Variants in CCSER1 observed in about 807,000 individuals in gnomAD.
The protein encoded by CCSER1 is serine-rich coiled-coil domain-containing protein 1.
In CCSER1, 41 loss-of-function variants were observed where a neutral mutation model predicts 82.0. The observed-to-expected ratio is 0.50, with a 90% confidence interval of 0.39 to 0.65. CCSER1 has a LOEUF of 0.65. Ranked by LOEUF, CCSER1 falls within the 30% of genes least tolerant of loss-of-function variation. The pLI, the probability that CCSER1 is intolerant of heterozygous loss-of-function variation, is 0.00. For synonymous variants in CCSER1, 414 were observed against 383.9 expected (o/e 1.08, Z -0.92); for missense variants, 1,119 against 1,064.2 (o/e 1.05, Z -0.72).
rs545991475 is a variant in CCSER1, at chr4:90,193,323, C to G, written c.-42+65492C>G. 1.9e-3 allele frequency among the ~76,000 whole-genome samples: 295 copies of G among 152,062 alleles called. 2 individuals carry two copies. Among genetic ancestry groups the G allele is most frequent in the African/African-American group, 6.5e-3 (268 of 41,506 alleles). ...AGTGTTCAATAAATATATAGAGTTG[C>G]TAAGAGAATGAAAAATCTATGGTCG... On this transcript the variant is annotated intron_variant, in intron 1 of 10. Coordinates refer to ENST00000509176, the MANE Select transcript of CCSER1 (RefSeq NM_001145065.2).
At chr4:90,280,855 A>G (rs1326585642) in intron 1 of CCSER1, among the ~76,000 whole-genome samples, 2 of 151,990 alleles carry the variant, frequency 1.3e-5, no homozygotes, top group South Asian at 2.1e-4. Flanking sequence ...ATAGAGTCGT[A>G]TTTCAGCTTA....
intron 10 of CCSER1, among the ~76,000 whole-genome samples, chr4:91,383,983 G>C (rs1751106296): frequency 6.6e-6 from 1 of 152,126 alleles, no homozygotes; most frequent in African/African-American, 2.4e-5. Context: ...CTGAAGGGCT[G>C]TGAGCAAACC....
At chr4:91,362,740 G>A in intron 10 of CCSER1, among the ~76,000 whole-genome samples, 1 of 151,678 alleles carries the variant, frequency 6.6e-6, no homozygotes, top group East Asian at 1.9e-4. Flanking sequence ...TTTTTTCTAA[G>A]TAGGTAAAAT....
rs200291388 is a variant in CCSER1 at position 90,180,981 on chromosome 4, TTA to T, written c.-42+53163_-42+53164del. Among the ~76,000 whole-genome samples, 13 of 151,664 alleles carry T rather than the reference TTA, an allele frequency of 8.6e-5. No homozygotes were observed. The East Asian group carries it at 2.1e-3, about 25-fold the overall frequency. On this transcript the variant is annotated intron_variant, in intron 1 of 10. Coordinates refer to ENST00000509176, the MANE Select transcript of CCSER1 (RefSeq NM_001145065.2). ...TTAGACTCTTTCTGTCTCAATTTCTTTATATATATATATAATGAGCATAACAG... is the reference window on the plus strand; with the variant it reads ...TTAGACTCTTTCTGTCTCAATTTCTTTATATATATATAATGAGCATAACAG...
chr4:91,340,655 A>G (rs150323956), intron 10 of CCSER1, among the ~76,000 whole-genome samples: 78 of 152,274 alleles, frequency 5.1e-4, no homozygotes, highest in African/African-American at 1.8e-3. Flanking sequence ...CTTTGATAAT[A>G]TATTATAGAT....
At position 91,155,955 on chromosome 4, in the gene CCSER1, T is replaced by A. The variant is rs549077039; in HGVS notation, c.2217+69961T>A. Among the ~76,000 whole-genome samples, 116 of 151,844 alleles carry A rather than the reference T, an allele frequency of 7.6e-4. 2 individuals carry two copies. The highest frequency in any genetic ancestry group is 1.4e-3 in the Non-Finnish European group (98 of 67,842). On this transcript the variant is annotated intron_variant, in intron 10 of 10. Transcript: ENST00000509176. Reference sequence around the variant, plus strand: ...TTAAGAAATACTAAGTATTTTAATATAATTTACATTATTATTATTTTAACT... The same window carrying A: ...TTAAGAAATACTAAGTATTTTAATAAAATTTACATTATTATTATTTTAACT...
chr4:91,352,346 A>G (rs1472643933), intron 10 of CCSER1, among the ~76,000 whole-genome samples: 1 of 152,174 alleles, frequency 6.6e-6, no homozygotes, highest in Non-Finnish European at 1.5e-5. Flanking sequence ...TCCTAGGTTC[A>G]AGCAATTCTC....
intron 10 of CCSER1, among the ~76,000 whole-genome samples, chr4:91,580,909 A>G (rs905943598): frequency 6.6e-6 from 1 of 151,682 alleles, no homozygotes; most frequent in African/African-American, 2.4e-5. Flanking sequence ...GAGGAAAATA[A>G]AGATCAAAGA....
At position 91,495,296 on chromosome 4, in the gene CCSER1, T is replaced by C. The variant is rs567041742; in HGVS notation, c.2218-103276T>C. Among the ~76,000 whole-genome samples, 5 of 151,610 alleles carry C rather than the reference T, an allele frequency of 3.3e-5. No homozygotes were observed. The South Asian group carries it at 8.3e-4, about 25-fold the overall frequency. On this transcript the variant is annotated intron_variant, in intron 10 of 10. Coordinates refer to ENST00000509176, the MANE Select transcript of CCSER1 (RefSeq NM_001145065.2). ...ACATGTTTTCTGTATATTGTTGAGG[T>C]ATATAAATACTTAAGTTTGACAAAC...
chr4:91,186,531 T>C (rs913877277), intron 10 of CCSER1, among the ~76,000 whole-genome samples: 1 of 152,136 alleles, frequency 6.6e-6, no homozygotes, highest in Non-Finnish European at 1.5e-5. Context: ...ACCAGCTCAG[T>C]CAGGGAGACC....
chr4:90,533,949 T>C (rs1379000400), intron 5 of CCSER1, among the ~76,000 whole-genome samples: 1 of 152,246 alleles, frequency 6.6e-6, no homozygotes, highest in Non-Finnish European at 1.5e-5. Flanking sequence ...ATATCCCATT[T>C]ACCCTTCAGA....
At chr4:90,380,970 G>A (rs1749108059) in intron 3 of CCSER1, among the ~76,000 whole-genome samples, 1 of 152,252 alleles carries the variant, frequency 6.6e-6, no homozygotes, top group Non-Finnish European at 1.5e-5. Context: ...CGATGCGGGA[G>A]CACAAAGATG....
At chr4:90,271,271 G>A (rs764579818) in intron 1 of CCSER1, among the ~76,000 whole-genome samples, 64 of 152,208 alleles carry the variant, frequency 4.2e-4, no homozygotes, top group African/African-American at 1.3e-3. Flanking sequence ...AAACTGCATG[G>A]CACTGGTGCA....
At chr4:90,957,598 T>A (rs1733640186) in intron 9 of CCSER1, among the ~76,000 whole-genome samples, 4 of 131,434 alleles carry the variant, frequency 3.0e-5, no homozygotes, top group Non-Finnish European at 1.6e-5. Flanking sequence ...ATTATTTATA[T>A]TATATATAAT....
In CCSER1 at chr4:90,796,406, T is replaced by C. The variant is rs183653244; in HGVS notation, c.2011-19356T>C. ...ATTAGTGTAGCTAGTGGTATATCTATTGTACTAAATTTAAAAAAAAAAAAA... is the reference window on the plus strand; with the variant it reads ...ATTAGTGTAGCTAGTGGTATATCTACTGTACTAAATTTAAAAAAAAAAAAA... On this transcript the variant is annotated intron_variant, in intron 7 of 10. Transcript: ENST00000509176. Among the ~76,000 whole-genome samples the C allele has an allele frequency of 3.5e-4, 42 of 119,440 alleles. No homozygotes were observed. The East Asian group carries it at 8.7e-3, about 25-fold the overall frequency. 78.4% of individuals were successfully genotyped at this position (119,440 alleles called of 152,430 possible).
chr4:91,044,058 T>C (rs1742225165), intron 9 of CCSER1, among the ~76,000 whole-genome samples: 1 of 152,170 alleles, frequency 6.6e-6, no homozygotes, highest in African/African-American at 2.4e-5. Context: ...CCAACACATG[T>C]TTACTAAAGA....
intron 1 of CCSER1, among the ~76,000 whole-genome samples, chr4:90,230,088 C>T (rs1172879145): frequency 1.3e-5 from 2 of 152,268 alleles, no homozygotes; most frequent in East Asian, 3.9e-4. Flanking sequence ...CAAGGATATC[C>T]AGGAGTTGGA....
At chr4:90,630,145 A>T (rs1724104002) in intron 6 of CCSER1, among the ~76,000 whole-genome samples, 1 of 152,090 alleles carries the variant, frequency 6.6e-6, no homozygotes, top group Admixed American at 6.6e-5. Flanking sequence ...ATGATTCTAT[A>T]CTGACAACAT....
At chr4:90,796,483 C>G (rs1369429040) in intron 7 of CCSER1, among the ~76,000 whole-genome samples, 1 of 147,050 alleles carries the variant, frequency 6.8e-6, no homozygotes, top group East Asian at 2.0e-4. Flanking sequence ...TTGTCCCCAT[C>G]TCCTTCAGCT....
Sources: allele counts gnomAD v4.1 joint callset (sites outside exome capture counted in the v4.1 genomes callset), GRCh38; gene constraint gnomAD v4.1.1; transcripts MANE v1.5; gene names NCBI Gene and HGNC (gene_info 2026-07-23, HGNC 2026-07-21).